Variants in RBIS observed in about 807,000 individuals in gnomAD.
RBIS encodes ribosome biogenesis factor identified in screen.
Under a neutral mutation model 9.8 loss-of-function variants are expected in RBIS, and 9 were observed. The observed-to-expected ratio is 0.92, with a 90% CI of 0.56 to 1.61. RBIS has a LOEUF of 1.61. Ranked by LOEUF, RBIS falls within the 40% of genes most tolerant of loss-of-function variation. The pLI is 0.00. For synonymous variants in RBIS, 35 were observed against 37.9 expected (o/e 0.92, Z 0.28); for missense variants, 103 against 116.0 (o/e 0.89, Z 0.51).
intron 2 of RBIS, 108 bp from the exon 3 acceptor site, chr8:85,215,145 A>C: frequency 2.1e-6 from 1 of 473,596 alleles, no homozygotes; most frequent in Non-Finnish European, 3.7e-6. Context: ...TTACCAACAA[A>C]TTAGGGATAA....
Position 85,220,366 on chromosome 8 carries a change from G to A in RBIS, c.-64C>T, listed in dbSNP as rs760077342. On this transcript the variant is annotated 5_prime_UTR_variant, in exon 1 of 4. Transcript: ENST00000619594. ...CCAGGTAACACCATCTGGCACGTAC[G>A]GCGTCTAGGAAGTTCCGGGGAGGAT... 4 of 152,244 alleles carry A rather than the reference G, an allele frequency of 2.6e-5. No individual in the cohort carries two copies. The East Asian group carries it at 7.7e-4, about 29-fold the overall frequency. The allele number at this position is 152,244 out of a possible 1,614,324, so 9.4% of individuals were successfully genotyped here.
chr8:85,214,809 G>C, intron 3 of RBIS, 112 bp downstream of exon 3: 1 of 739,878 alleles, frequency 1.4e-6, no homozygotes, highest in Non-Finnish European at 2.3e-6. Flanking sequence ...CCTAGTACTA[G>C]AGAGCCAAGT....
chr8:85,217,210 A>G (rs2129821139), intron 2 of RBIS, 176 bp downstream of exon 2: 2 of 658,980 alleles, frequency 3.0e-6, no homozygotes, highest in South Asian at 1.7e-5. Flanking sequence ...CAAGAAAGGG[A>G]GGTTATTTTT....
intron 2 of RBIS, chr8:85,215,496 G>A (rs1813108260): frequency 6.6e-6 from 1 of 152,294 alleles, no homozygotes; most frequent in Admixed American, 6.5e-5. Context: ...CTCCAGAGGA[G>A]TGGGGATAAA....
chr8:85,217,086 G>T (rs1050175875), intron 2 of RBIS: 9 of 540,474 alleles, frequency 1.7e-5, no homozygotes, highest in Non-Finnish European at 2.6e-5. Flanking sequence ...TTAGAGATAA[G>T]AACTGTTTCC....
intron 3 of RBIS, 67 bp downstream of exon 3, chr8:85,214,854 A>G: frequency 1.1e-6 from 1 of 905,630 alleles, no homozygotes; most frequent in Non-Finnish European, 1.7e-6. Context: ...GGCTTTGAAA[A>G]CTTGGGAGTT....
At chr8:85,220,083 A>G (rs1263891815) in intron 1 of RBIS, among the ~76,000 whole-genome samples, 1 of 152,084 alleles carries the variant, frequency 6.6e-6, no homozygotes, top group Non-Finnish European at 1.5e-5. Flanking sequence ...AACCACGTAG[A>G]AACTGATCAT....
chr8:85,215,485 G>A (rs1813106642), intron 2 of RBIS: 1 of 152,318 alleles, frequency 6.6e-6, no homozygotes, highest in Non-Finnish European at 1.5e-5. Context: ...AGGACTTTCT[G>A]CTCCAGAGGA....
intron 1 of RBIS, among the ~76,000 whole-genome samples, 171 bp downstream of exon 1, chr8:85,220,135 A>T (rs1418267671): frequency 6.6e-6 from 1 of 152,192 alleles, no homozygotes; most frequent in African/African-American, 2.4e-5. Context: ...AGGAGATGAA[A>T]GCCCAACAAG....
intron 1 of RBIS, 157 bp from the exon 2 acceptor site, chr8:85,217,659 A>G (rs1363890685): frequency 2.3e-5 from 14 of 608,756 alleles, no homozygotes; most frequent in Non-Finnish European, 3.7e-5. Flanking sequence ...TTTCACTCCT[A>G]GTAGATTTTC....
chr8:85,214,826 A>G (rs540254303), intron 3 of RBIS, 95 bp downstream of exon 3: 119 of 780,668 alleles, frequency 1.5e-4, no homozygotes, highest in Non-Finnish European at 1.4e-4. Flanking sequence ...AAGTACTAAA[A>G]ATTACACTCA....
chr8:85,217,075 T>A (rs933171946), intron 2 of RBIS: 2 of 502,782 alleles, frequency 4.0e-6, no homozygotes, highest in Non-Finnish European at 7.0e-6. Flanking sequence ...TACATTTGAG[T>A]TTAGAGATAA....
intron 2 of RBIS, chr8:85,216,760 G>A (rs1813168602): frequency 6.6e-6 from 1 of 152,298 alleles, no homozygotes; most frequent in South Asian, 2.1e-4. Context: ...AAGATGAAAT[G>A]TTAGATTTCT....
At position 85,215,322 on chromosome 8, in the gene RBIS, T is replaced by C. The variant is rs4150976; in HGVS notation, c.115-285A>G. 7.0e-3 allele frequency: 1,143 copies of C among 162,866 alleles called. 14 individuals are homozygous for C. The highest frequency in any genetic ancestry group is 0.023 in the African/African-American group (953 of 41,866). The allele number at this position is 162,866 out of a possible 1,614,324, so 10.1% of individuals were successfully genotyped here. ...TAAGATATATATATATATTTGGTCTTTGTCCTCATTTCCTGTCATACAGCT... is the reference window on the plus strand; with the variant it reads ...TAAGATATATATATATATTTGGTCTCTGTCCTCATTTCCTGTCATACAGCT... On this transcript the variant is annotated intron_variant, in intron 2 of 3. Transcript: ENST00000619594.
intron 3 of RBIS, 56 bp from the exon 4 acceptor site, chr8:85,214,687 C>T (rs1223020122): frequency 9.5e-7 from 1 of 1,048,112 alleles, no homozygotes; most frequent in East Asian, 2.4e-5. Context: ...AGACAAATGA[C>T]TTATATAAGC....
chr8:85,216,599 TC>T (rs1175457970), intron 2 of RBIS, among the ~76,000 whole-genome samples: 2 of 152,210 alleles, frequency 1.3e-5, no homozygotes, highest in African/African-American at 4.8e-5. Context: ...GTCATTCTAG[TC>T]TTGGTTTCAA....
Position 85,214,079 on chromosome 8 carries a change from C to T in RBIS, c.*481G>A, listed in dbSNP as rs1018277226. On this transcript the variant is annotated 3_prime_UTR_variant, in exon 4 of 4. Transcript: ENST00000619594. ...GGATAAGTGATTTAATATCCACAAA[C>T]GTCCCCACTCCCAAAAGTAACTATA... 2.3e-4 allele frequency: 133 copies of T among 590,152 alleles called. No individual in the cohort carries two copies. The highest frequency in any genetic ancestry group is 3.4e-4 in the East Asian group (10 of 29,380). The allele number at this position is 590,152 out of a possible 1,614,324, so 36.6% of individuals were successfully genotyped here. A position where few individuals can be genotyped will look rare whatever the true frequency, so the allele number is the denominator to read the frequency against.
chr8:85,217,215 A>G (rs1813185850), intron 2 of RBIS, 171 bp downstream of exon 2: 1 of 662,838 alleles, frequency 1.5e-6, no homozygotes, highest in Non-Finnish European at 2.7e-6. Flanking sequence ...AAGGGAGGTT[A>G]TTTTTCTTCC....
At chr8:85,219,538 C>A (rs990130979) in intron 1 of RBIS, among the ~76,000 whole-genome samples, 1 of 151,914 alleles carries the variant, frequency 6.6e-6, no homozygotes, top group Non-Finnish European at 1.5e-5. Flanking sequence ...TCACTTGAGG[C>A]CAGGAGTTCG....
Sources: gnomAD v4.1 joint callset for allele counts (sites outside exome capture counted in the v4.1 genomes callset) on GRCh38, gnomAD v4.1.1 for gene constraint, MANE v1.5 for transcripts, NCBI Gene and HGNC (gene_info 2026-07-23, HGNC 2026-07-21) for gene names.